The following PRKD1 variants were observed in gnomAD, a reference collection of about 807,000 sequenced individuals.
PRKD1 encodes serine/threonine-protein kinase D1.
In PRKD1, 63 loss-of-function variants were observed where a neutral mutation model predicts 95.9. That is an observed-to-expected ratio of 0.66 (90% CI 0.54 to 0.81). The LOEUF (loss-of-function observed/expected upper bound fraction) is 0.81. PRKD1 is among the 30% of genes least tolerant of loss of function. The probability of loss-of-function intolerance (pLI) is 0.00; values close to 1 mark genes in which losing one functional copy is unlikely to be tolerated. For missense variants in PRKD1, 1,048 were observed against 1,165.3 expected (o/e 0.90, Z 1.47); for synonymous variants, 425 against 423.1 (o/e 1.00, Z -0.05).
At chr14:29,588,558 T>C (rs1391406183) in intron 16 of PRKD1, among the ~76,000 whole-genome samples, 2 of 152,134 alleles carry the variant, frequency 1.3e-5, no homozygotes, top group Non-Finnish European at 2.9e-5. Context: ...TATTGTATAG[T>C]TGAGGATTGA....
chr14:29,851,976 A>G (rs916374084), intron 1 of PRKD1, among the ~76,000 whole-genome samples: 1 of 152,202 alleles, frequency 6.6e-6, no homozygotes, highest in African/African-American at 2.4e-5. Flanking sequence ...AAATTAACAC[A>G]CAAACAGAAA....
chr14:29,846,731 G>T (rs1398009917), intron 1 of PRKD1, among the ~76,000 whole-genome samples: 1 of 152,200 alleles, frequency 6.6e-6, no homozygotes, highest in Non-Finnish European at 1.5e-5. Context: ...CAGAGGCAGA[G>T]ACCAGTTAGC....
At chr14:29,827,320 A>C (rs778227059) in intron 1 of PRKD1, among the ~76,000 whole-genome samples, 1 of 152,088 alleles carries the variant, frequency 6.6e-6, no homozygotes, top group Non-Finnish European at 1.5e-5. Flanking sequence ...AATCCTAAGA[A>C]TTCAGTGAGG....
intron 1 of PRKD1, among the ~76,000 whole-genome samples, chr14:29,755,234 C>T (rs1365682988): frequency 1.3e-5 from 2 of 152,124 alleles, no homozygotes; most frequent in Non-Finnish European, 2.9e-5. Context: ...AGGCTTATCT[C>T]TCCCATTCTG....
chr14:29,593,653 T>A (rs1566472906), intron 16 of PRKD1, among the ~76,000 whole-genome samples: 1 of 152,196 alleles, frequency 6.6e-6, no homozygotes, highest in East Asian at 1.9e-4. Flanking sequence ...CATCTTAAAG[T>A]AAAGCAGAGC....
chr14:29,748,470 T>C (rs945225933), intron 1 of PRKD1, among the ~76,000 whole-genome samples: 9 of 152,216 alleles, frequency 5.9e-5, no homozygotes, highest in African/African-American at 2.2e-4. Flanking sequence ...AGGGAATTAA[T>C]CCGTATCACC....
intron 4 of PRKD1, among the ~76,000 whole-genome samples, chr14:29,640,457 T>C (rs1053739658): frequency 1.4e-4 from 22 of 152,290 alleles, no homozygotes; most frequent in Middle Eastern, 3.4e-3. Context: ...CACAGGAATA[T>C]TAGGCCTACA....
rs535909359 is a variant in PRKD1, at chr14:29,807,251, T to C, written c.265-81577A>G. Among the ~76,000 whole-genome samples the C allele has an allele frequency of 3.7e-4, 56 of 152,122 alleles. 1 individual carries two copies. Among genetic ancestry groups the C allele is most frequent in the Middle Eastern group, 6.8e-3 (2 of 294 alleles). On this transcript the variant is annotated intron_variant, in intron 1 of 17. Coordinates refer to ENST00000331968, the MANE Select transcript of PRKD1 (RefSeq NM_002742.3). Reference sequence around the variant, plus strand: ...TGCTCAACTCCTATTGTGTCTATGGTTTGAGGTTTGGGGATTCTTGATGTA... The same window carrying C: ...TGCTCAACTCCTATTGTGTCTATGGCTTGAGGTTTGGGGATTCTTGATGTA...
At chr14:29,918,924 T>C (rs1325791822) in intron 1 of PRKD1, among the ~76,000 whole-genome samples, 5 of 152,210 alleles carry the variant, frequency 3.3e-5, no homozygotes, top group Non-Finnish European at 5.9e-5. Context: ...ATTATGCACA[T>C]TCATACTTTT....
At chr14:29,741,631 C>T (rs979728242) in intron 1 of PRKD1, among the ~76,000 whole-genome samples, 1 of 152,050 alleles carries the variant, frequency 6.6e-6, no homozygotes, top group South Asian at 2.1e-4. Flanking sequence ...CAGACACATA[C>T]ATCATGCACA....
At chr14:29,910,881 A>G (rs897495978) in intron 1 of PRKD1, among the ~76,000 whole-genome samples, 1 of 152,214 alleles carries the variant, frequency 6.6e-6, no homozygotes. Flanking sequence ...TAATCGAGCC[A>G]ATAAGACAAC....
intron 1 of PRKD1, among the ~76,000 whole-genome samples, chr14:29,798,860 TTC>T (rs1814056290): frequency 1.3e-5 from 2 of 152,224 alleles, no homozygotes; most frequent in South Asian, 4.1e-4. Flanking sequence ...ACATCACTGA[TTC>T]TTTTTCTTTT....
chr14:29,714,308 A>G (rs1276130537), intron 2 of PRKD1, among the ~76,000 whole-genome samples: 2 of 152,198 alleles, frequency 1.3e-5, no homozygotes, highest in Non-Finnish European at 2.9e-5. Context: ...AAGGATATGA[A>G]CAGACACTTC....
At chr14:29,638,335 A>T in intron 6 of PRKD1, 154 bp downstream of exon 6, 1 of 699,702 alleles carries the variant, frequency 1.4e-6, no homozygotes, top group Non-Finnish European at 2.4e-6. Flanking sequence ...ATGCTTTTCT[A>T]TTGTAAAGTA....
At chr14:29,745,778 A>G (rs1172046658) in intron 1 of PRKD1, among the ~76,000 whole-genome samples, 1 of 151,994 alleles carries the variant, frequency 6.6e-6, no homozygotes, top group Non-Finnish European at 1.5e-5. Context: ...CACCCAGCCC[A>G]TTTTTTAAAA....
intron 2 of PRKD1, among the ~76,000 whole-genome samples, chr14:29,717,614 A>G (rs1022045653): frequency 2.0e-5 from 3 of 152,160 alleles, no homozygotes; most frequent in Admixed American, 1.3e-4. Context: ...TATCATAAAT[A>G]TATTACCATC....
chr14:29,655,948 A>G (rs1469149176), intron 4 of PRKD1, among the ~76,000 whole-genome samples: 2 of 147,610 alleles, frequency 1.4e-5, no homozygotes, highest in African/African-American at 2.5e-5. Context: ...TTAAAAAAAG[A>G]AAAAAAAAGA....
At position 29,629,201 on chromosome 14, in the gene PRKD1, A is replaced by G. The variant is rs528332159; in HGVS notation, c.1673-108T>C. On this transcript the variant is annotated intron_variant, in intron 10 of 17. Coordinates refer to ENST00000331968, the MANE Select transcript of PRKD1 (RefSeq NM_002742.3). ...TCATCCTGCAAAAGTGGTTTTAACTAAATCATAGCAATTAGGTTTTTCTAA... is the reference window on the plus strand; with the variant it reads ...TCATCCTGCAAAAGTGGTTTTAACTGAATCATAGCAATTAGGTTTTTCTAA... 4 of 782,008 alleles carry G rather than the reference A, an allele frequency of 5.1e-6. No individual in the cohort carries two copies. In the South Asian group the frequency reaches 7.4e-5, roughly 15 times the overall value. The allele number at this position is 782,008 out of a possible 1,614,324, so 48.4% of individuals were successfully genotyped here. A position where few individuals can be genotyped will look rare whatever the true frequency, so the allele number is the denominator to read the frequency against.
At chr14:29,631,500 CTTT>C (rs370333345) in intron 9 of PRKD1, among the ~76,000 whole-genome samples, 1 of 140,248 alleles carries the variant, frequency 7.1e-6, no homozygotes, top group Non-Finnish European at 1.6e-5. Flanking sequence ...TTAAAATGGT[CTTT>C]TTTTTTTTTT....
Sources: gnomAD v4.1 joint callset for allele counts (sites outside exome capture counted in the v4.1 genomes callset) on GRCh38, gnomAD v4.1.1 for gene constraint, MANE v1.5 for transcripts, NCBI Gene and HGNC (gene_info 2026-07-23, HGNC 2026-07-21) for gene names.